METTL15: variants seen among roughly 807,000 people sequenced by gnomAD.
METTL15 encodes methyltransferase 15, mitochondrial 12S rRNA N4-cytidine.
In METTL15, 34 loss-of-function variants were observed where a neutral mutation model predicts 38.3. That is an observed-to-expected ratio of 0.89 (90% CI 0.68 to 1.18). METTL15 has a LOEUF of 1.18. Among genes scored for constraint, METTL15 ranks in the 50% most tolerant of loss-of-function variants. METTL15 has a pLI of 0.00. For missense variants in METTL15, 438 were observed against 498.4 expected (o/e 0.88, Z 1.15); for synonymous variants, 162 against 170.9 (o/e 0.95, Z 0.41).
chr11:28,375,704 G>C (rs1430173572), intron 5 of METTL15, among the ~76,000 whole-genome samples: 1 of 151,920 alleles, frequency 6.6e-6, no homozygotes, highest in Non-Finnish European at 1.5e-5. Flanking sequence ...CTTGCCTTCT[G>C]CTAGCTTTTG....
chr11:28,283,414 C>T (rs1345148268), intron 4 of METTL15, among the ~76,000 whole-genome samples: 1 of 152,076 alleles, frequency 6.6e-6, no homozygotes, highest in African/African-American at 2.4e-5. Context: ...GGATGCCCAA[C>T]CTTGTGAGTG....
At chr11:28,246,473 G>A (rs954961660) in intron 4 of METTL15, among the ~76,000 whole-genome samples, 6 of 152,054 alleles carry the variant, frequency 3.9e-5, no homozygotes, top group Non-Finnish European at 8.8e-5. Flanking sequence ...TGAGACATTA[G>A]GAGTGCAGTA....
At chr11:28,444,657 A>C (rs1383307685) in intron 6 of METTL15, among the ~76,000 whole-genome samples, 3 of 152,176 alleles carry the variant, frequency 2.0e-5, no homozygotes, top group Admixed American at 6.5e-5. Context: ...TGAAATAGGG[A>C]TAATAAAAGC....
rs760646189 is a variant in METTL15 at position 28,522,943 on chromosome 11, AAAGT to A, written c.*425-3533_*425-3530del. 9.8e-5 allele frequency among the ~76,000 whole-genome samples: 15 copies of A among 152,352 alleles called. No individual in the cohort carries two copies. The East Asian group carries it at 1.5e-3, about 16-fold the overall frequency. ...ATTTATTTAAAACATTTCTATTGAA[AAAGT>A]ACTAAATGCCAAGAACTTTGCGAGG... On this transcript the variant is annotated intron_variant and NMD_transcript_variant, in intron 6 of 7. Coordinates refer to the METTL15 transcript ENST00000532947.
At chr11:28,291,666 G>T (rs1002226367) in intron 5 of METTL15, among the ~76,000 whole-genome samples, 1 of 151,958 alleles carries the variant, frequency 6.6e-6, no homozygotes, top group African/African-American at 2.4e-5. Flanking sequence ...AATTATAAAA[G>T]AAAATAATAA....
At chr11:28,113,162 GAA>G (rs976774476) in intron 2 of METTL15, among the ~76,000 whole-genome samples, 154 bp from the exon 3 acceptor site, 4 of 151,988 alleles carry the variant, frequency 2.6e-5, no homozygotes, top group Non-Finnish European at 5.9e-5. Flanking sequence ...GTATATATAA[GAA>G]GGGTTTGTCA....
chr11:28,336,810 A>G (rs1333550495), downstream of METTL15, among the ~76,000 whole-genome samples: 1 of 152,176 alleles, frequency 6.6e-6, no homozygotes, highest in South Asian at 2.1e-4. Flanking sequence ...TGTATTTACT[A>G]TGTTTTATCA....
intron 3 of METTL15, among the ~76,000 whole-genome samples, chr11:28,142,009 G>A (rs1302191304): frequency 1.3e-5 from 2 of 152,204 alleles, no homozygotes; most frequent in African/African-American, 4.8e-5. Context: ...GGTTAGAAGT[G>A]AGATGAAGTC....
intron 6 of METTL15, among the ~76,000 whole-genome samples, chr11:28,432,373 A>G (rs181207765): frequency 9.8e-4 from 150 of 152,342 alleles, no homozygotes; most frequent in African/African-American, 1.9e-3. Flanking sequence ...TAATCATTCA[A>G]CTAAGTCTAC....
chr11:28,426,809 G>T (rs1214788447), intron 6 of METTL15, among the ~76,000 whole-genome samples: 1 of 151,096 alleles, frequency 6.6e-6, no homozygotes. Flanking sequence ...TTGTAAATGT[G>T]TTTAAGTTCC....
intron 5 of METTL15, among the ~76,000 whole-genome samples, chr11:28,390,238 T>A (rs1850488530): frequency 6.6e-6 from 1 of 151,006 alleles, no homozygotes; most frequent in East Asian, 1.9e-4. Context: ...TTTAATTAGA[T>A]CCCATTTGTC....
chr11:28,433,478 GT>G (rs1850954573), intron 6 of METTL15, among the ~76,000 whole-genome samples: 1 of 152,100 alleles, frequency 6.6e-6, no homozygotes, highest in Non-Finnish European at 1.5e-5. Context: ...CTAGACTTCA[GT>G]TTCTCATGTG....
chr11:28,214,600 C>T (rs1852785419), intron 4 of METTL15, among the ~76,000 whole-genome samples: 1 of 152,066 alleles, frequency 6.6e-6, no homozygotes, highest in South Asian at 2.1e-4. Context: ...AAGGAAACTA[C>T]TTAAATGTAA....
intron 3 of METTL15, among the ~76,000 whole-genome samples, chr11:28,122,371 G>GTGTGTA (rs1437112554): frequency 0.021 from 1,643 of 77,390 alleles, 14 homozygotes; most frequent in Middle Eastern, 0.032. Flanking sequence ...GTGTGTGTGT[G>GTGTGTA]TATATATATA....
intron 5 of METTL15, among the ~76,000 whole-genome samples, chr11:28,414,565 A>G (rs1850757229): frequency 6.6e-6 from 1 of 152,112 alleles, no homozygotes; most frequent in African/African-American, 2.4e-5. Context: ...AGTTTAAAGC[A>G]TTTTCTCAGA....
chr11:28,172,481 C>T (rs1012024664), intron 3 of METTL15, among the ~76,000 whole-genome samples: 3 of 152,074 alleles, frequency 2.0e-5, no homozygotes, highest in Non-Finnish European at 4.4e-5. Flanking sequence ...TTTTTTATTG[C>T]TTTAGAGATT....
chr11:28,162,773 A>G (rs1171573964), intron 3 of METTL15, among the ~76,000 whole-genome samples: 3 of 152,164 alleles, frequency 2.0e-5, no homozygotes, highest in South Asian at 2.1e-4. Context: ...TAATAATATA[A>G]TAAGTACTGA....
At chr11:28,400,313 T>G (rs779745841) in intron 5 of METTL15, among the ~76,000 whole-genome samples, 1 of 151,974 alleles carries the variant, frequency 6.6e-6, no homozygotes, top group East Asian at 1.9e-4. Flanking sequence ...CGCTTTAAGC[T>G]TACACATTTG....
intron 4 of METTL15, among the ~76,000 whole-genome samples, chr11:28,358,948 T>C (rs1850112496): frequency 6.6e-6 from 1 of 152,196 alleles, no homozygotes; most frequent in South Asian, 2.1e-4. Context: ...ACTTCTATTT[T>C]AGATTCAGAG....
Sources: allele counts gnomAD v4.1 joint callset (sites outside exome capture counted in the v4.1 genomes callset), GRCh38; gene constraint gnomAD v4.1.1; transcripts MANE v1.5; gene names NCBI Gene and HGNC (gene_info 2026-07-23, HGNC 2026-07-21).